ANLN: variants seen among roughly 807,000 people sequenced by gnomAD.
ANLN encodes the protein anillin.
ANLN carries 59 observed loss-of-function variants against 135.1 expected under a neutral mutation model. The observed-to-expected ratio is 0.44, with a 90% CI of 0.35 to 0.54. ANLN has a LOEUF of 0.54. Ranked by LOEUF, ANLN falls within the 20% of genes least tolerant of loss-of-function variation. The pLI, the probability that ANLN is intolerant of heterozygous loss-of-function variation, is 0.00. For synonymous variants in ANLN, 406 were observed against 456.4 expected (o/e 0.89, Z 1.41); for missense variants, 1,182 against 1,340.0 (o/e 0.88, Z 1.84).
intron 20 of ANLN, among the ~76,000 whole-genome samples, chr7:36,432,822 C>T (rs1303367476): frequency 6.6e-6 from 1 of 152,092 alleles, no homozygotes; most frequent in Non-Finnish European, 1.5e-5. Flanking sequence ...ATAATGTATG[C>T]ATCCTTACCT....
intron 7 of ANLN, among the ~76,000 whole-genome samples, chr7:36,411,915 CTGA>C (rs1452123004): frequency 3.9e-5 from 6 of 152,108 alleles, no homozygotes; most frequent in Non-Finnish European, 8.8e-5. Context: ...CACTGAAATG[CTGA>C]TGATGCTCAG....
chr7:36,397,623 G>GAAAA (rs1040883917), intron 2 of ANLN, among the ~76,000 whole-genome samples: 1 of 152,040 alleles, frequency 6.6e-6, no homozygotes, highest in African/African-American at 2.4e-5. Flanking sequence ...GAAAAGAAAA[G>GAAAA]AAAAAAGAGC....
intron 23 of ANLN, 88 bp from the exon 24 acceptor site, chr7:36,452,389 T>G (rs1789282098): frequency 3.2e-6 from 5 of 1,541,216 alleles, no homozygotes; most frequent in Non-Finnish European, 4.4e-6. Flanking sequence ...ACTGGTTTAT[T>G]TAGTCATTTT....
At chr7:36,451,374 TTAC>T (rs1161099535) in intron 23 of ANLN, among the ~76,000 whole-genome samples, 1 of 152,360 alleles carries the variant, frequency 6.6e-6, no homozygotes, top group East Asian at 1.9e-4. Context: ...GAGGCAGTAG[TTAC>T]AGTGGAGCTT....
chr7:36,423,023 G>A (rs2116676061), intron 14 of ANLN, among the ~76,000 whole-genome samples: 1 of 152,270 alleles, frequency 6.6e-6, no homozygotes, highest in East Asian at 1.9e-4. Context: ...CTTACTGAAA[G>A]TTTGAATATA....
At chr7:36,398,158 A>C (rs1157041407) in intron 2 of ANLN, among the ~76,000 whole-genome samples, 2 of 148,514 alleles carry the variant, frequency 1.3e-5, no homozygotes, top group Non-Finnish European at 3.0e-5. Context: ...AATATGCCTT[A>C]TGGTTCTGAT....
At chr7:36,420,559 T>C in intron 11 of ANLN, 38 bp from the exon 12 acceptor site, 1 of 1,560,350 alleles carries the variant, frequency 6.4e-7, no homozygotes, top group Non-Finnish European at 8.8e-7. Context: ...CTCAGTGTGT[T>C]GCTGGATTTC....
intron 9 of ANLN, among the ~76,000 whole-genome samples, chr7:36,418,977 G>C (rs182474234): frequency 1.1e-3 from 162 of 152,004 alleles, no homozygotes; most frequent in Admixed American, 2.2e-3. Flanking sequence ...GACTTGTCTT[G>C]AACTCCTGAC....
chr7:36,449,015 G>T (rs962287641), intron 22 of ANLN: 5 of 152,134 alleles, frequency 3.3e-5, no homozygotes, highest in Non-Finnish European at 5.9e-5. Context: ...GTTTTTTCCA[G>T]ACTTAGCCAA....
chr7:36,428,626 A>G (rs1788185043), intron 20 of ANLN, among the ~76,000 whole-genome samples: 2 of 152,028 alleles, frequency 1.3e-5, no homozygotes, highest in South Asian at 4.1e-4. Context: ...TCTCTCTTAT[A>G]GTTCATTATA....
chr7:36,421,778 G>A (rs1787886043), intron 12 of ANLN, 79 bp from the exon 13 acceptor site: 1 of 1,341,970 alleles, frequency 7.5e-7, no homozygotes, highest in Non-Finnish European at 1.0e-6. Context: ...ATCCAATCAA[G>A]TTAGTTAGAA....
chr7:36,415,774 G>A lies in ANLN; in HGVS notation c.1412G>A (p.Ser471Asn), dbSNP rs770366033. 44 of 1,601,672 alleles carry A rather than the reference G, an allele frequency of 2.7e-5. No homozygotes were observed. Among genetic ancestry groups the A allele is most frequent in the Non-Finnish European group, 3.7e-5 (44 of 1,176,044 alleles). Residue 471 changes from serine to asparagine, a missense_variant, in exon 8 of 24, where the codon AGC becomes AAC. Coordinates refer to ENST00000265748, the MANE Select transcript of ANLN (RefSeq NM_018685.5). The part of the protein sequence containing the change: ...LETKQETHCQ[S>N]TPLKKHQGVS... ...TTTTTGCAGGAAACTCACTGTCAGA[G>A]CACTCCCCTCAAAAAACACCAAGGT...
chr7:36,399,305 A>G lies in ANLN; in HGVS notation c.399A>G (p.Arg133=). ...GCATGAGGAGAGGGCTGAACTCAAG[A>G]TTGGAAGCAACTGCAGCCTCCTCAG... ...LLGMRRGLNS[R]LEATAASSVK... The change falls in exon 3 of 24, where the codon AGA becomes AGG. Residue 133 remains arginine (R), a synonymous_variant. Transcript: ENST00000265748. The G allele has an allele frequency of 6.2e-7, 1 of 1,614,114 alleles. No homozygotes were observed.
At chr7:36,441,988 T>C (rs1788793327) in intron 21 of ANLN, among the ~76,000 whole-genome samples, 1 of 152,158 alleles carries the variant, frequency 6.6e-6, no homozygotes, top group South Asian at 2.1e-4. Flanking sequence ...CAGGAGAGCA[T>C]ATGGTTGGAG....
At chr7:36,408,508 A>G (rs1315339804) in intron 5 of ANLN, among the ~76,000 whole-genome samples, 1 of 152,230 alleles carries the variant, frequency 6.6e-6, no homozygotes, top group Non-Finnish European at 1.5e-5. Flanking sequence ...ATACATTTAT[A>G]TAATTCGTAA....
At chr7:36,406,815 T>TA (rs1159597054) in intron 4 of ANLN, among the ~76,000 whole-genome samples, 4 of 152,154 alleles carry the variant, frequency 2.6e-5, no homozygotes, top group African/African-American at 9.7e-5. Context: ...CCAGAGTCTA[T>TA]AATGGAATGA....
Position 36,407,908 on chromosome 7 carries a change from A to G in ANLN, c.1048A>G (p.Arg350Gly). 2 of 1,613,846 alleles carry G rather than the reference A, an allele frequency of 1.2e-6. No homozygotes were observed. The highest frequency in any genetic ancestry group is 2.7e-5 in the African/African-American group (2 of 75,056). Residue 350 changes from arginine to glycine, a missense_variant, in exon 5 of 24, where the codon AGA becomes GGA. This residue lies in a region of ANLN where 1,022 missense variants were observed against 1,134.0 expected (regional missense o/e 0.90). Coordinates refer to ENST00000265748, the MANE Select transcript of ANLN (RefSeq NM_018685.5). The part of the protein sequence containing the change: ...QTVPSKGELS[R>G]EICLQSQSKD... Reference sequence around the variant, plus strand: ...AGTTCCATCCAAGGGAGAATTAAGTAGAGAAATTTGTCTGCAATCTCAATC... The same window carrying G: ...AGTTCCATCCAAGGGAGAATTAAGTGGAGAAATTTGTCTGCAATCTCAATC...
intron 22 of ANLN, among the ~76,000 whole-genome samples, chr7:36,448,146 T>G (rs1230128386): frequency 6.6e-6 from 1 of 152,128 alleles, no homozygotes; most frequent in East Asian, 1.9e-4. Context: ...CCCGAGTAGC[T>G]GGGACTACAG....
At chr7:36,420,529 A>G in intron 11 of ANLN, 68 bp from the exon 12 acceptor site, 2 of 1,383,538 alleles carry the variant, frequency 1.4e-6, no homozygotes, top group South Asian at 1.2e-5. Flanking sequence ...TTCTGCTGAT[A>G]TGTTCAATAA....
Sources: gnomAD v4.1 joint callset for allele counts (sites outside exome capture counted in the v4.1 genomes callset) on GRCh38, gnomAD v4.1.1 for gene constraint, gnomAD v4.1.1 regional missense constraint, MANE v1.5 for transcripts, NCBI Gene and HGNC (gene_info 2026-07-23, HGNC 2026-07-21) for gene names.